Variants in POLR1A observed in about 807,000 individuals in gnomAD.
POLR1A encodes DNA-directed RNA polymerase I subunit RPA1.
In POLR1A, 84 loss-of-function variants were observed where a neutral mutation model predicts 205.3. That is an observed-to-expected ratio of 0.41 (90% CI 0.34 to 0.49). The LOEUF is 0.49. POLR1A is among the 20% of genes least tolerant of loss of function. The probability of loss-of-function intolerance (pLI) is 0.22; values close to 1 mark genes in which losing one functional copy is unlikely to be tolerated. For synonymous variants in POLR1A, 799 were observed against 863.7 expected, an observed-to-expected ratio of 0.93 and a Z score of 1.31; for missense variants, 1,645 against 2,204.5, an observed-to-expected ratio of 0.75 and a Z score of 5.08.
rs531431785 is a variant in POLR1A, at chr2:86,068,397, G to GGT, written c.1866+1620_1866+1621insAC. On this transcript the variant is annotated intron_variant, in intron 13 of 33. Coordinates refer to ENST00000263857, the MANE Select transcript of POLR1A (RefSeq NM_015425.6). ...GCCAAGCACATGGGCGGGGGGGGGG[G>GGT]GCGGGTGTCGTCCAAAGCTGCTGGG... Among the ~76,000 whole-genome samples the GGT allele has an allele frequency of 2.6e-3, 279 of 107,990 alleles. 45 individuals are homozygous for GGT. In the East Asian group the frequency reaches 0.073, roughly 28 times the overall value. The allele number at this position is 107,990 out of a possible 152,430, so 70.8% of individuals were successfully genotyped here.
intron 13 of POLR1A, among the ~76,000 whole-genome samples, chr2:86,069,747 C>T (rs1673143667): frequency 6.6e-6 from 1 of 152,218 alleles, no homozygotes; most frequent in African/African-American, 2.4e-5. Flanking sequence ...GAACACAAGA[C>T]CTATCACACA....
At chr2:86,042,444 T>TGC (rs1469557687) in intron 23 of POLR1A, among the ~76,000 whole-genome samples, 1 of 152,246 alleles carries the variant, frequency 6.6e-6, no homozygotes, top group Non-Finnish European at 1.5e-5. Context: ...CCAGCTAGGA[T>TGC]GCAGTCACTG....
intron 23 of POLR1A, among the ~76,000 whole-genome samples, chr2:86,042,497 G>A (rs983267971): frequency 1.3e-5 from 2 of 152,198 alleles, no homozygotes; most frequent in Admixed American, 1.3e-4. Flanking sequence ...TCTTTCACAC[G>A]CTCTGTGCCC....
At chr2:86,035,031 C>T (rs1164038527) in intron 27 of POLR1A, among the ~76,000 whole-genome samples, 3 of 152,062 alleles carry the variant, frequency 2.0e-5, no homozygotes, top group African/African-American at 7.2e-5. Flanking sequence ...CCACCATGCC[C>T]GACTAATTTT....
intron 12 of POLR1A, among the ~76,000 whole-genome samples, chr2:86,072,665 G>A (rs1172628517): frequency 6.6e-6 from 1 of 152,246 alleles, no homozygotes; most frequent in Non-Finnish European, 1.5e-5. Context: ...GGAGCCAAAG[G>A]CCTGCTTCTG....
chr2:86,065,416 G>A lies in POLR1A; in HGVS notation c.1916C>T (p.Ala639Val). ...GLIQDHMVSG[A>V]SMTTRGCFFT... The stretch of plus-strand genomic sequence containing the variant: ...AAAGCAACCCCGAGTAGTCATGCTT[G>A]CCCCTGAAACCATGTGATCCTGGAT... Residue 639 changes from alanine (A) to valine (V), a missense_variant, in exon 14 of 34, where the codon GCA (alanine) becomes GTA (valine). Ala to Val is a moderately conservative substitution (Grantham distance 64). Coordinates refer to ENST00000263857, the MANE Select transcript of POLR1A (RefSeq NM_015425.6). 6 of 1,614,098 alleles carry A rather than the reference G, an allele frequency of 3.7e-6. No individual in the cohort carries two copies. The highest frequency in any genetic ancestry group is 5.1e-6 in the Non-Finnish European group (6 of 1,179,980).
intron 13 of POLR1A, among the ~76,000 whole-genome samples, chr2:86,067,750 A>C (rs1673107811): frequency 6.6e-6 from 1 of 152,254 alleles, no homozygotes; most frequent in Non-Finnish European, 1.5e-5. Flanking sequence ...TTGTCCTTTT[A>C]GGACTCTGCC....
chr2:86,053,437 G>A (rs908812467), intron 15 of POLR1A, among the ~76,000 whole-genome samples: 2 of 152,144 alleles, frequency 1.3e-5, no homozygotes, highest in Non-Finnish European at 2.9e-5. Context: ...TGTGCCTCTG[G>A]CCTAGGTACT....
At chr2:86,065,881 T>A (rs76390811) in intron 13 of POLR1A, among the ~76,000 whole-genome samples, 1,653 of 152,334 alleles carry the variant, frequency 0.011, 33 homozygotes, top group East Asian at 0.097. Flanking sequence ...GCCTGGCTCT[T>A]CTGTAAATCA....
intron 13 of POLR1A, among the ~76,000 whole-genome samples, chr2:86,068,798 C>G (rs1673128286): frequency 6.6e-6 from 1 of 152,240 alleles, no homozygotes; most frequent in African/African-American, 2.4e-5. Flanking sequence ...AGTGGTGCAT[C>G]TGGTGGGAAA....
chr2:86,068,397 G>GGGGGGGGGGGGGGT (rs531431785), intron 13 of POLR1A, among the ~76,000 whole-genome samples: 3 of 107,992 alleles, frequency 2.8e-5, no homozygotes, highest in East Asian at 8.4e-4. Flanking sequence ...GGGGGGGGGG[G>GGGGGGGGGGGGGGT]GCGGGTGTCG....
intron 6 of POLR1A, among the ~76,000 whole-genome samples, chr2:86,084,887 C>G (rs1673474848): frequency 6.6e-6 from 1 of 152,102 alleles, no homozygotes; most frequent in Non-Finnish European, 1.5e-5. Context: ...TTAGAGAAAT[C>G]CCTAACTTGG....
intron 26 of POLR1A, 63 bp from the exon 27 acceptor site, chr2:86,038,920 G>T: frequency 6.7e-7 from 1 of 1,494,834 alleles, no homozygotes; most frequent in Non-Finnish European, 9.3e-7. Flanking sequence ...CGCAATGTGA[G>T]TGGGTTACGA....
rs747026297 is a variant in POLR1A at position 86,028,514 on chromosome 2, G to A, written c.4897+80C>T. On this transcript the variant is annotated intron_variant, in intron 32 of 33. Coordinates refer to ENST00000263857, the MANE Select transcript of POLR1A (RefSeq NM_015425.6). The surrounding 1 kb of genome is among the most constrained non-coding windows in gnomAD (Gnocchi z 4.5). ...GACTGACTCGGTGCTGGACCGACAC[G>A]GTCCTGACCCTCCTGCCGAGCCTTC... 2.5e-5 allele frequency: 25 copies of A among 990,222 alleles called. No homozygotes were observed. Among genetic ancestry groups the A allele is most frequent in the African/African-American group, 4.7e-5 (3 of 63,176 alleles). 61.3% of individuals were successfully genotyped at this position (990,222 alleles called of 1,614,324 possible).
chr2:86,082,006 A>AT lies in POLR1A; in HGVS notation c.818-301dup, dbSNP rs796391019. 6.9e-3 allele frequency among the ~76,000 whole-genome samples: 1,010 copies of AT among 146,510 alleles called. 10 individuals carry two copies. The highest frequency in any genetic ancestry group is 0.023 in the African/African-American group (934 of 40,094). ...GCTATCATGTCCAGCTAATTTTTGT[A>AT]TTTTTTTTTTTAAGAGATGAGGTTT... On this transcript the variant is annotated intron_variant, in intron 7 of 33. Coordinates refer to ENST00000263857, the MANE Select transcript of POLR1A (RefSeq NM_015425.6).
chr2:86,053,679 G>A (rs1415203579), intron 15 of POLR1A, among the ~76,000 whole-genome samples: 1 of 152,160 alleles, frequency 6.6e-6, no homozygotes, highest in Non-Finnish European at 1.5e-5. Context: ...GTTGTGCACT[G>A]GGGGCCTGGA....
rs536717708 is a variant in POLR1A, at chr2:86,075,595, G to A, written c.1381-335C>T. Reference sequence around the variant, plus strand: ...GCGATCTCGGCTCACCACAATCTCCGCCTCCTGGGTTCAAGCAATTCTCCT... The same window carrying A: ...GCGATCTCGGCTCACCACAATCTCCACCTCCTGGGTTCAAGCAATTCTCCT... On this transcript the variant is annotated intron_variant, in intron 11 of 33. Transcript: ENST00000263857. Among the ~76,000 whole-genome samples the A allele has an allele frequency of 5.0e-3, 761 of 152,080 alleles. 6 individuals are homozygous for A. Among genetic ancestry groups the A allele is most frequent in the African/African-American group, 0.017 (717 of 41,486 alleles).
At chr2:86,036,942 C>T (rs1464125165) in intron 27 of POLR1A, 2 of 152,264 alleles carry the variant, frequency 1.3e-5, no homozygotes, top group African/African-American at 4.8e-5. Flanking sequence ...AAAAAGAACC[C>T]CAGCATGGGC....
In POLR1A at chr2:86,065,142, G is replaced by A. The variant is rs3815839; in HGVS notation, c.2058+132C>T. On this transcript the variant is annotated intron_variant, in intron 14 of 33. Transcript: ENST00000263857. ...CAGACTCAGGAACCCCAAACAAAGG[G>A]GAAAGAAAGTCAGACTATTGCTGGC... 3.6e-4 allele frequency: 304 copies of A among 848,094 alleles called. 3 individuals are homozygous for A. In the East Asian group the frequency reaches 7.3e-3, roughly 20 times the overall value. The allele number at this position is 848,094 out of a possible 1,614,324, so 52.5% of individuals were successfully genotyped here. A position where few individuals can be genotyped will look rare whatever the true frequency, so the allele number is the denominator to read the frequency against.
Sources: gnomAD v4.1 joint callset for allele counts (sites outside exome capture counted in the v4.1 genomes callset) on GRCh38, gnomAD v4.1.1 for gene constraint, Gnocchi (gnomAD v3.1) non-coding constraint, MANE v1.5 for transcripts, NCBI Gene and HGNC (gene_info 2026-07-23, HGNC 2026-07-21) for gene names.